The following OTUB2 variants were observed in gnomAD, a reference collection of about 807,000 sequenced individuals.
OTUB2 encodes ubiquitin thioesterase OTUB2.
In OTUB2, 21 loss-of-function variants were observed where a neutral mutation model predicts 25.1. That is an observed-to-expected ratio of 0.84 (90% CI 0.59 to 1.21). The LOEUF is 1.21. OTUB2 is among the 50% of genes most tolerant of loss of function. OTUB2 has a pLI of 0.00. For missense variants in OTUB2, 283 were observed against 298.0 expected (o/e 0.95, Z 0.37); for synonymous variants, 122 against 122.8 (o/e 0.99, Z 0.04).
chr14:94,028,962 A>G (rs1220841338), intron 1 of OTUB2, among the ~76,000 whole-genome samples: 2 of 152,154 alleles, frequency 1.3e-5, no homozygotes, highest in Non-Finnish European at 2.9e-5. Context: ...TCAGGCCTTG[A>G]AGCATGGTCA....
chr14:94,042,852 A>T (rs1885189717), intron 3 of OTUB2, among the ~76,000 whole-genome samples: 1 of 152,076 alleles, frequency 6.6e-6, no homozygotes, highest in Non-Finnish European at 1.5e-5. Context: ...ATCACCATCC[A>T]CACTTGCGCC....
At chr14:94,033,873 T>C (rs950298165) in intron 1 of OTUB2, among the ~76,000 whole-genome samples, 3 of 152,246 alleles carry the variant, frequency 2.0e-5, no homozygotes, top group Non-Finnish European at 4.4e-5. Context: ...CCAAATTAAT[T>C]GTACAACTAG....
chr14:94,026,678 C>A, intron 1 of OTUB2, 138 bp downstream of exon 1: 1 of 939,984 alleles, frequency 1.1e-6, no homozygotes, highest in Non-Finnish European at 1.4e-6. Context: ...CGCTTTCCGA[C>A]CCCCTGAAAT....
At chr14:94,031,364 T>C (rs1476821185) in intron 1 of OTUB2, among the ~76,000 whole-genome samples, 1 of 152,230 alleles carries the variant, frequency 6.6e-6, no homozygotes, top group African/African-American at 2.4e-5. Flanking sequence ...TCCATAGTGC[T>C]GGGCCCATGG....
Position 94,044,560 on chromosome 14 carries a change from C to T in OTUB2, c.304-26C>T, listed in dbSNP as rs779976846. 8 of 1,591,708 alleles carry T rather than the reference C, an allele frequency of 5.0e-6. No individual in the cohort carries two copies. In the East Asian group the frequency reaches 1.8e-4, roughly 36 times the overall value. ...GGAGGGCTGGGGCTTGCTTGGCCTCCCTAGCTGAGGGCCGGGCGGGCGCAG... is the reference window on the plus strand; with the variant it reads ...GGAGGGCTGGGGCTTGCTTGGCCTCTCTAGCTGAGGGCCGGGCGGGCGCAG... On this transcript the variant is annotated intron_variant, in intron 4 of 5. Transcript: ENST00000203664.
chr14:94,033,356 A>G (rs1884995345), intron 1 of OTUB2, among the ~76,000 whole-genome samples: 1 of 152,222 alleles, frequency 6.6e-6, no homozygotes, highest in Non-Finnish European at 1.5e-5. Flanking sequence ...CCACCTTTAA[A>G]TATTCCTCAT....
chr14:94,027,933 G>C (rs1447831327), intron 1 of OTUB2, among the ~76,000 whole-genome samples: 1 of 152,384 alleles, frequency 6.6e-6, no homozygotes, highest in African/African-American at 2.4e-5. Context: ...TCACCCACCA[G>C]GGAGTGGTGG....
intron 3 of OTUB2, among the ~76,000 whole-genome samples, chr14:94,039,612 A>AG (rs1885121225): frequency 9.0e-6 from 1 of 110,904 alleles, no homozygotes; most frequent in African/African-American, 4.2e-5. Context: ...GTCCATAGCA[A>AG]GAAAAAAAAA....
chr14:94,037,285 T>C (rs769075590), intron 1 of OTUB2, 95 bp from the exon 2 acceptor site: 1 of 764,572 alleles, frequency 1.3e-6, no homozygotes, highest in African/African-American at 1.7e-5. Context: ...CATTCATTGT[T>C]GTCTGTAACC....
At position 94,026,428 on chromosome 14, in the gene OTUB2, GA is replaced by G; in HGVS notation, c.-109del. The G allele has an allele frequency of 1.5e-6, 2 of 1,295,716 alleles. No individual in the cohort carries two copies. Among genetic ancestry groups the G allele is most frequent in the Non-Finnish European group, 2.0e-6 (2 of 1,021,370 alleles). The allele number at this position is 1,295,716 out of a possible 1,614,324, so 80.3% of individuals were successfully genotyped here. On this transcript the variant is annotated 5_prime_UTR_variant, in exon 1 of 6. Transcript: ENST00000203664. ...TATTCTCCGCCGCCCCCACGCCCTC[GA>G]GGTCCCCGCCACCGAACCAGCGGCG...
At chr14:94,044,854 T>A in intron 5 of OTUB2, 74 bp downstream of exon 5, 2 of 1,444,022 alleles carry the variant, frequency 1.4e-6, no homozygotes, top group Non-Finnish European at 1.9e-6. Context: ...TCAGCACCCA[T>A]CCGTAGCCAA....
At chr14:94,035,328 C>T (rs566518825) in intron 1 of OTUB2, among the ~76,000 whole-genome samples, 163 of 130,686 alleles carry the variant, frequency 1.2e-3, no homozygotes, top group African/African-American at 4.8e-3. Flanking sequence ...CTCGCTCTGT[C>T]ACCCAGGCTG....
Position 94,026,947 on chromosome 14 carries a change from G to A in OTUB2, c.3+407G>A, listed in dbSNP as rs377761067. Reference sequence around the variant, plus strand: ...CACGGCCCCACCCACCCGACGGCTCGGCCGTCAAAGACCTCCTGGCCCCTG... The same window carrying A: ...CACGGCCCCACCCACCCGACGGCTCAGCCGTCAAAGACCTCCTGGCCCCTG... On this transcript the variant is annotated intron_variant, in intron 1 of 5. Coordinates refer to ENST00000203664, the MANE Select transcript of OTUB2 (RefSeq NM_023112.4). Among the ~76,000 whole-genome samples, 6 of 152,212 alleles carry A rather than the reference G, an allele frequency of 3.9e-5. No homozygotes were observed. In the East Asian group the frequency reaches 1.2e-3, roughly 29 times the overall value.
At chr14:94,038,940 A>G (rs1567052884) in intron 2 of OTUB2, 23 bp from the exon 3 acceptor site, 2 of 1,608,114 alleles carry the variant, frequency 1.2e-6, no homozygotes, top group South Asian at 1.1e-5. Flanking sequence ...GCAAATGCCC[A>G]CATTTCTTTC....
chr14:94,045,862 C>G lies in OTUB2; in HGVS notation c.645C>G (p.Ser215=). The part of the protein sequence containing the change: ...HHVFPEAATP[S]VYLLYKTSHY... ...TGTTCCCTGAGGCCGCCACCCCTTC[C>G]GTTTACCTGCTCTATAAAACATCCC... The change falls in exon 6 of 6, where the codon TCC becomes TCG. Residue 215 remains serine, a synonymous_variant. Coordinates refer to ENST00000203664, the MANE Select transcript of OTUB2 (RefSeq NM_023112.4). 1 of 1,614,236 alleles carries G rather than the reference C, an allele frequency of 6.2e-7. No homozygotes were observed. Among genetic ancestry groups the G allele is most frequent in the Non-Finnish European group, 8.5e-7 (1 of 1,180,044 alleles).
At chr14:94,033,597 A>G (rs1472582401) in intron 1 of OTUB2, among the ~76,000 whole-genome samples, 1 of 152,252 alleles carries the variant, frequency 6.6e-6, no homozygotes, top group East Asian at 1.9e-4. Flanking sequence ...ATTTAAAAAG[A>G]CCCAAGCCAT....
intron 1 of OTUB2, 57 bp downstream of exon 1, chr14:94,026,597 GTC>G: frequency 8.4e-7 from 1 of 1,197,288 alleles, no homozygotes; most frequent in Non-Finnish European, 1.0e-6. Context: ...GGTGGGCGGG[GTC>G]GCTGCCGGAG....
intron 1 of OTUB2, among the ~76,000 whole-genome samples, chr14:94,028,934 C>T (rs971920826): frequency 7.2e-5 from 11 of 151,816 alleles, no homozygotes; most frequent in Non-Finnish European, 1.3e-4. Flanking sequence ...TTGGCGGGTG[C>T]GGGGGGACAG....
In OTUB2 at chr14:94,045,948, C is replaced by T; in HGVS notation, c.*26C>T. On this transcript the variant is annotated 3_prime_UTR_variant, in exon 6 of 6. Transcript: ENST00000203664. ...TTAATTTTAGGCCATGCAGTGGAAC[C>T]TGTCACCTAATGGGACTGCATTCTG... The T allele has an allele frequency of 6.2e-7, 1 of 1,604,442 alleles. No individual in the cohort carries two copies. Among genetic ancestry groups the T allele is most frequent in the Non-Finnish European group, 8.5e-7 (1 of 1,171,616 alleles).
Sources: allele counts gnomAD v4.1 joint callset (sites outside exome capture counted in the v4.1 genomes callset), GRCh38; gene constraint gnomAD v4.1.1; transcripts MANE v1.5; gene names NCBI Gene and HGNC (gene_info 2026-07-23, HGNC 2026-07-21).